Variants in DLG2 observed in about 807,000 individuals in gnomAD.
DLG2 encodes discs large MAGUK scaffold protein 2, also known as disks large homolog 2.
A neutral mutation model predicts 132.5 loss-of-function variants in DLG2; 45 were observed. That is an observed-to-expected ratio of 0.34 (90% CI 0.27 to 0.44). DLG2 has a LOEUF of 0.44. Ranked by LOEUF, DLG2 falls within the 20% of genes least tolerant of loss-of-function variation. DLG2 has a pLI of 1.00. For missense variants in DLG2, 1,045 were observed against 1,196.9 expected, an observed-to-expected ratio of 0.87 and a Z score of 1.87; for synonymous variants, 424 against 419.6, an observed-to-expected ratio of 1.01 and a Z score of -0.13.
intron 6 of DLG2, among the ~76,000 whole-genome samples, chr11:84,617,633 C>T (rs1044706447): frequency 1.3e-5 from 2 of 152,134 alleles, no homozygotes; most frequent in African/African-American, 4.8e-5. Context: ...TCTCCACATC[C>T]TCTCCAGCAT....
chr11:85,246,927 G>A (rs2076162877), intron 4 of DLG2, among the ~76,000 whole-genome samples: 2 of 152,004 alleles, frequency 1.3e-5, no homozygotes, highest in Admixed American at 1.3e-4. Context: ...TGTTTTTGCT[G>A]GGGAACCCAC....
chr11:85,245,191 C>T (rs1160554514), intron 4 of DLG2, among the ~76,000 whole-genome samples: 1 of 151,790 alleles, frequency 6.6e-6, no homozygotes, highest in Non-Finnish European at 1.5e-5. Context: ...CTTATTAATC[C>T]TTATTAATAA....
chr11:84,711,526 T>C (rs541438659), intron 6 of DLG2, among the ~76,000 whole-genome samples: 41 of 149,924 alleles, frequency 2.7e-4, no homozygotes, highest in Admixed American at 7.4e-4. Flanking sequence ...GTTCCAATTC[T>C]AGTCTAAAGG....
At chr11:85,412,760 C>CACACACACATATATATATAT (rs756868795) in intron 3 of DLG2, among the ~76,000 whole-genome samples, 2 of 113,244 alleles carry the variant, frequency 1.8e-5, no homozygotes, top group African/African-American at 3.7e-5. Flanking sequence ...CACACACACA[C>CACACACACATATATATATAT]ATATATATAT....
intron 6 of DLG2, among the ~76,000 whole-genome samples, chr11:84,885,279 T>C: frequency 6.6e-6 from 1 of 152,132 alleles, no homozygotes; most frequent in East Asian, 1.9e-4. Context: ...CAGAATTTTT[T>C]AAGCATCTAA....
At chr11:83,800,049 A>G (rs889769114) in intron 17 of DLG2, among the ~76,000 whole-genome samples, 3 of 152,160 alleles carry the variant, frequency 2.0e-5, no homozygotes, top group African/African-American at 7.2e-5. Context: ...ATTATTAGCT[A>G]TTGTTGAACC....
At chr11:85,021,854 C>T (rs3933735) in intron 6 of DLG2, among the ~76,000 whole-genome samples, 3,382 of 152,132 alleles carry the variant, frequency 0.022, 67 homozygotes, top group Non-Finnish European at 0.037. Context: ...AGAAAATTTG[C>T]CTTCTTTTCA....
At chr11:85,390,634 G>C (rs1322467747) in intron 3 of DLG2, among the ~76,000 whole-genome samples, 2 of 151,888 alleles carry the variant, frequency 1.3e-5, no homozygotes, top group African/African-American at 2.4e-5. Flanking sequence ...ACACCAAAAG[G>C]AACCCTCAAA....
At chr11:85,076,261 C>T (rs1036369422) in intron 6 of DLG2, among the ~76,000 whole-genome samples, 1 of 151,896 alleles carries the variant, frequency 6.6e-6, no homozygotes, top group African/African-American at 2.4e-5. Flanking sequence ...TGGTAAGAAG[C>T]AACATGTATT....
intron 7 of DLG2, among the ~76,000 whole-genome samples, chr11:84,472,096 C>G (rs764956316): frequency 6.6e-6 from 1 of 151,814 alleles, no homozygotes; most frequent in African/African-American, 2.4e-5. Context: ...GAAAAGGTCC[C>G]AGTTTCGTCA....
intron 12 of DLG2, among the ~76,000 whole-genome samples, chr11:83,976,161 A>G (rs1296180509): frequency 6.6e-6 from 1 of 151,950 alleles, no homozygotes; most frequent in East Asian, 1.9e-4. Flanking sequence ...TGTTATTACT[A>G]ACTCTTTAAA....
chr11:84,554,831 G>C (rs1314930272), intron 6 of DLG2, among the ~76,000 whole-genome samples: 1 of 152,166 alleles, frequency 6.6e-6, no homozygotes, highest in Non-Finnish European at 1.5e-5. Context: ...ATTCATTAGA[G>C]AATGTCAAGG....
At chr11:84,106,526 G>T (rs78238027) in intron 9 of DLG2, among the ~76,000 whole-genome samples, 2,680 of 152,180 alleles carry the variant, frequency 0.018, 79 homozygotes, top group African/African-American at 0.062. Context: ...CCAGGAATAA[G>T]AAATGCCCTT....
At chr11:84,620,089 T>G (rs2154540908) in intron 6 of DLG2, among the ~76,000 whole-genome samples, 1 of 151,730 alleles carries the variant, frequency 6.6e-6, no homozygotes, top group East Asian at 1.9e-4. Context: ...TTATAAAGAA[T>G]TTTTAATTAA....
intron 7 of DLG2, among the ~76,000 whole-genome samples, chr11:84,307,592 GC>G (rs1567238537): frequency 1.3e-5 from 2 of 151,380 alleles, no homozygotes; most frequent in African/African-American, 4.9e-5. Flanking sequence ...GCTACTCAGG[GC>G]CCTGAGGCAG....
chr11:84,706,023 G>T (rs1057455099), intron 6 of DLG2, among the ~76,000 whole-genome samples: 10 of 151,746 alleles, frequency 6.6e-5, no homozygotes, highest in African/African-American at 2.4e-4. Flanking sequence ...ATGAAGGAAA[G>T]AAGTCCATGA....
intron 6 of DLG2, among the ~76,000 whole-genome samples, chr11:84,772,067 C>G (rs957582461): frequency 2.0e-5 from 3 of 151,874 alleles, no homozygotes; most frequent in African/African-American, 7.2e-5. Flanking sequence ...GGAGAAAGAT[C>G]TGTCATGCAA....
At chr11:85,286,335 T>C (rs1298203263) in intron 3 of DLG2, among the ~76,000 whole-genome samples, 1 of 152,098 alleles carries the variant, frequency 6.6e-6, no homozygotes, top group Non-Finnish European at 1.5e-5. Context: ...ATTCATATGA[T>C]ATTAGATGAG....
At chr11:83,590,633 C>A (rs1159945668) in intron 19 of DLG2, among the ~76,000 whole-genome samples, 1 of 152,006 alleles carries the variant, frequency 6.6e-6, no homozygotes, top group African/African-American at 2.4e-5. Flanking sequence ...CAAGAAATAA[C>A]TAAAATCAGA....
Sources: allele counts gnomAD v4.1 joint callset (sites outside exome capture counted in the v4.1 genomes callset), GRCh38; gene constraint gnomAD v4.1.1; transcripts MANE v1.5; gene names NCBI Gene and HGNC (gene_info 2026-07-23, HGNC 2026-07-21).